Variants in RELN observed in about 807,000 individuals in gnomAD.
RELN encodes the protein reelin.
A neutral mutation model predicts 427.6 loss-of-function variants in RELN; 108 were observed. The ratio of observed to expected loss-of-function variants is 0.25; its 90% CI spans 0.22 to 0.30. The LOEUF (loss-of-function observed/expected upper bound fraction) is 0.30. RELN is among the 10% of genes least tolerant of loss of function. The pLI is 1.00. For missense variants in RELN, 3,715 were observed against 4,302.8 expected, an observed-to-expected ratio of 0.86 and a Z score of 3.82; for synonymous variants, 1,524 against 1,513.4, an observed-to-expected ratio of 1.01 and a Z score of -0.16.
Position 103,500,919 on chromosome 7 carries a change from C to T in RELN, c.8493G>A (p.Pro2831=), listed in dbSNP as rs374053764. 62 of 1,613,790 alleles carry T rather than the reference C, an allele frequency of 3.8e-5. No individual in the cohort carries two copies. The highest frequency in any genetic ancestry group is 3.3e-5 in the Admixed American group (2 of 59,996). Residue 2831 remains proline, a synonymous_variant, in exon 53 of 65, where the codon CCG becomes CCA. Transcript: ENST00000428762. ...ACTTCTGATAGAACCTAAACCTTAC[C>T]GGACTATTGACAATGCAAAAGCAAA... is the stretch of plus-strand genomic sequence containing the variant. ...YPLPESLVGN[P]VRFRFYQKYS...
At chr7:103,876,974 T>C (rs1794494466) in intron 2 of RELN, among the ~76,000 whole-genome samples, 1 of 152,116 alleles carries the variant, frequency 6.6e-6, no homozygotes, top group Non-Finnish European at 1.5e-5. Flanking sequence ...GATTTCTCCA[T>C]AGCTTTGACC....
At chr7:103,492,275 TAATC>T (rs1167820925) in intron 57 of RELN, among the ~76,000 whole-genome samples, 1 of 152,128 alleles carries the variant, frequency 6.6e-6, no homozygotes, top group East Asian at 1.9e-4. Flanking sequence ...AATAAAAAAT[TAATC>T]ACAAATCTGG....
At chr7:103,680,964 C>T (rs1254975560) in intron 11 of RELN, among the ~76,000 whole-genome samples, 3 of 152,120 alleles carry the variant, frequency 2.0e-5, no homozygotes, top group Non-Finnish European at 4.4e-5. Flanking sequence ...GGACCTGAGC[C>T]ACTTCCCTGA....
At chr7:103,665,185 C>T (rs569043023) in intron 11 of RELN, among the ~76,000 whole-genome samples, 4 of 152,068 alleles carry the variant, frequency 2.6e-5, no homozygotes, top group Admixed American at 6.6e-5. Context: ...AACTGTTAAC[C>T]GTTGGCCCTA....
chr7:103,783,882 C>T, intron 3 of RELN, among the ~76,000 whole-genome samples: 1 of 152,094 alleles, frequency 6.6e-6, no homozygotes, highest in Admixed American at 6.6e-5. Context: ...AACTGTTTTA[C>T]TTAAAGTGTT....
At chr7:103,786,791 A>G (rs753059333) in intron 3 of RELN, among the ~76,000 whole-genome samples, 4 of 152,156 alleles carry the variant, frequency 2.6e-5, no homozygotes, top group Non-Finnish European at 5.9e-5. Context: ...TAGACAGATC[A>G]ACGAAGCAGA....
At chr7:103,609,200 G>C (rs973757384) in intron 22 of RELN, among the ~76,000 whole-genome samples, 4 of 143,762 alleles carry the variant, frequency 2.8e-5, no homozygotes, top group South Asian at 2.3e-4. Context: ...TCCAGCCTGG[G>C]TGACAGAGCA....
chr7:103,496,449 A>G, intron 56 of RELN, 77 bp downstream of exon 56: 1 of 1,579,062 alleles, frequency 6.3e-7, no homozygotes, highest in Non-Finnish European at 8.7e-7. Flanking sequence ...AATGCTTTTC[A>G]TGTGCTAATC....
chr7:103,530,155 T>A lies in RELN; in HGVS notation c.7349+5161A>T, dbSNP rs1045086203. 2.6e-4 allele frequency among the ~76,000 whole-genome samples: 39 copies of A among 152,204 alleles called. 1 individual carries two copies. Among genetic ancestry groups the A allele is most frequent in the Non-Finnish European group, 4.1e-4 (28 of 68,038 alleles). On this transcript the variant is annotated intron_variant, in intron 46 of 64. Coordinates refer to ENST00000428762, the MANE Select transcript of RELN (RefSeq NM_005045.4). ...TTGGTCTCAGATCTTCATGTCTCTG[T>A]CAAATGGACATTTCCATTTGTACCT...
chr7:103,478,279 T>G, intron 64 of RELN, 110 bp downstream of exon 64: 1 of 581,824 alleles, frequency 1.7e-6, no homozygotes, highest in East Asian at 2.9e-5. Context: ...TTCATAGATT[T>G]TTTTTTTTTT....
chr7:103,924,103 C>G (rs568508989), intron 1 of RELN, among the ~76,000 whole-genome samples: 3 of 152,184 alleles, frequency 2.0e-5, no homozygotes, highest in African/African-American at 7.2e-5. Flanking sequence ...AGAGCAGCCT[C>G]TATCTCGTGC....
chr7:103,634,742 T>C (rs1262023264), intron 19 of RELN, among the ~76,000 whole-genome samples: 2 of 151,988 alleles, frequency 1.3e-5, no homozygotes, highest in African/African-American at 4.8e-5. Context: ...ATATAATTTA[T>C]TACAACATAT....
intron 2 of RELN, among the ~76,000 whole-genome samples, chr7:103,850,731 A>G (rs1793801468): frequency 6.6e-6 from 1 of 152,200 alleles, no homozygotes; most frequent in South Asian, 2.1e-4. Flanking sequence ...AACATATGAA[A>G]AAATGCTCAA....
chr7:103,803,130 T>C, intron 3 of RELN, among the ~76,000 whole-genome samples: 1 of 152,084 alleles, frequency 6.6e-6, no homozygotes, highest in Admixed American at 6.6e-5. Flanking sequence ...AGCTCCTTTC[T>C]TCCCCTAAAA....
At chr7:103,604,324 T>C (rs374740140) in intron 23 of RELN, 22 bp downstream of exon 23, 11 of 1,613,452 alleles carry the variant, frequency 6.8e-6, no homozygotes, top group Non-Finnish European at 9.3e-6. Context: ...ATGGACCTCA[T>C]CGTGCTTTCT....
chr7:103,489,941 T>C, intron 59 of RELN, 42 bp from the exon 60 acceptor site: 1 of 1,611,996 alleles, frequency 6.2e-7, no homozygotes, highest in Non-Finnish European at 8.5e-7. Context: ...AGTAGGTTGT[T>C]ACTTCCATGG....
chr7:103,877,675 G>C (rs1242234291), intron 2 of RELN, among the ~76,000 whole-genome samples: 1 of 151,778 alleles, frequency 6.6e-6, no homozygotes, highest in Admixed American at 6.6e-5. Flanking sequence ...TAACCCATAA[G>C]ACCCTTCAAA....
At chr7:103,524,698 T>C (rs533854175) in intron 46 of RELN, among the ~76,000 whole-genome samples, 3 of 152,314 alleles carry the variant, frequency 2.0e-5, no homozygotes, top group African/African-American at 4.8e-5. Context: ...GGAAGGAGTT[T>C]GCATTTTCCA....
intron 11 of RELN, 65 bp downstream of exon 11, chr7:103,682,051 A>C (rs1489644156): frequency 1.3e-6 from 2 of 1,493,826 alleles, no homozygotes; most frequent in Non-Finnish European, 1.9e-6. Context: ...ATATGCATTT[A>C]AAACACGTCC....
Sources: allele counts gnomAD v4.1 joint callset (sites outside exome capture counted in the v4.1 genomes callset), GRCh38; gene constraint gnomAD v4.1.1; transcripts MANE v1.5; gene names NCBI Gene and HGNC (gene_info 2026-07-23, HGNC 2026-07-21).